Variants in SIM1 observed in about 807,000 individuals in gnomAD.
SIM1 encodes the protein single-minded homolog 1.
SIM1 carries 18 observed loss-of-function variants against 78.2 expected under a neutral mutation model. That is an observed-to-expected ratio of 0.23 (90% CI 0.16 to 0.34). The LOEUF (loss-of-function observed/expected upper bound fraction) is 0.34, where lower values mean the gene tolerates loss of function less well. Ranked by LOEUF, SIM1 falls within the 10% of genes least tolerant of loss-of-function variation. SIM1 has a pLI of 1.00. For synonymous variants in SIM1, 417 were observed against 385.2 expected (o/e 1.08, Z -0.97); for missense variants, 939 against 975.1 (o/e 0.96, Z 0.49).
At position 100,447,261 on chromosome 6, in the gene SIM1, C is replaced by A. The variant is rs766756161; in HGVS notation, c.998+7G>T. The A allele has an allele frequency of 1.6e-5, 26 of 1,613,884 alleles. No individual in the cohort carries two copies. In the African/African-American group the frequency reaches 3.5e-4, roughly 22 times the overall value. ...GGTGGGTGAAGGGGTCTCAGTCTTG[C>A]ACTCACGTGAGGACATAGTTGACGC... On this transcript the variant is annotated splice_region_variant and intron_variant, in intron 9 of 11. Transcript: ENST00000369208.
At chr6:100,404,544 CT>C (rs892759329) in intron 10 of SIM1, among the ~76,000 whole-genome samples, 108 of 146,254 alleles carry the variant, frequency 7.4e-4, no homozygotes, top group Admixed American at 1.5e-3. Context: ...TCACTTTTAT[CT>C]TTTTTTTTTT....
chr6:100,397,175 A>T (rs189267952), intron 10 of SIM1, among the ~76,000 whole-genome samples: 2 of 152,266 alleles, frequency 1.3e-5, no homozygotes, highest in East Asian at 3.9e-4. Flanking sequence ...TTATGACACA[A>T]TTTCATTAGG....
intron 10 of SIM1, among the ~76,000 whole-genome samples, chr6:100,419,355 A>T (rs1771501956): frequency 6.6e-6 from 1 of 152,196 alleles, no homozygotes; most frequent in Non-Finnish European, 1.5e-5. Flanking sequence ...ATGTGACATA[A>T]GTCTCTTAGA....
At chr6:100,401,935 A>T (rs1026820472) in intron 10 of SIM1, among the ~76,000 whole-genome samples, 1 of 152,206 alleles carries the variant, frequency 6.6e-6, no homozygotes, top group African/African-American at 2.4e-5. Context: ...ATTTCAGTAC[A>T]AACAAATCTT....
intron 2 of SIM1, among the ~76,000 whole-genome samples, chr6:100,459,578 T>C (rs1020008051): frequency 6.6e-6 from 1 of 152,170 alleles, no homozygotes; most frequent in Non-Finnish European, 1.5e-5. Context: ...CAAAAAAATA[T>C]AACACCATTA....
chr6:100,456,579 A>C (rs1044823315), intron 2 of SIM1, among the ~76,000 whole-genome samples: 2 of 152,266 alleles, frequency 1.3e-5, no homozygotes, highest in Non-Finnish European at 2.9e-5. Flanking sequence ...GATTTTCCTC[A>C]GCTAAAGTGG....
In SIM1 at chr6:100,420,976, A is replaced by G; in HGVS notation, c.999-18T>C. On this transcript the variant is annotated intron_variant, in intron 9 of 11. Transcript: ENST00000369208. Reference sequence around the variant, plus strand: ...CTGTGTCTCTGCAGGGTGGGAGGACAAAGCCCTTAATCAGCCACCATAGGA... The same window carrying G: ...CTGTGTCTCTGCAGGGTGGGAGGACGAAGCCCTTAATCAGCCACCATAGGA... 3.1e-6 allele frequency: 5 copies of G among 1,609,070 alleles called. No homozygotes were observed. The highest frequency in any genetic ancestry group is 4.2e-6 in the Non-Finnish European group (5 of 1,177,580).
chr6:100,399,267 T>TA (rs1770849898), intron 10 of SIM1, among the ~76,000 whole-genome samples: 1 of 151,938 alleles, frequency 6.6e-6, no homozygotes, highest in Non-Finnish European at 1.5e-5. Context: ...TACTCAACAA[T>TA]AAAAAAGAAT....
chr6:100,408,638 TC>T (rs1371851323), intron 10 of SIM1, among the ~76,000 whole-genome samples: 1 of 152,142 alleles, frequency 6.6e-6, no homozygotes, highest in Non-Finnish European at 1.5e-5. Context: ...TTGAATTTTA[TC>T]AAATGCTTTT....
intron 3 of SIM1, among the ~76,000 whole-genome samples, chr6:100,452,682 G>A (rs949240533): frequency 1.3e-5 from 2 of 152,300 alleles, no homozygotes; most frequent in Non-Finnish European, 2.9e-5. Context: ...ATGTTTCTGA[G>A]GAAAATTAGT....
At chr6:100,412,641 GAAAGAAAGAA>G (rs1562239818) in intron 10 of SIM1, among the ~76,000 whole-genome samples, 1 of 70,330 alleles carries the variant, frequency 1.4e-5, no homozygotes, top group African/African-American at 5.6e-5. Context: ...AGAAAGAAAA[GAAAGAAAGAA>G]AGAAAGAGAG....
At chr6:100,419,869 T>C (rs1444673641) in intron 10 of SIM1, among the ~76,000 whole-genome samples, 1 of 152,156 alleles carries the variant, frequency 6.6e-6, no homozygotes, top group Non-Finnish European at 1.5e-5. Flanking sequence ...CTTGAACTCC[T>C]GACCTCAAGT....
intron 10 of SIM1, among the ~76,000 whole-genome samples, chr6:100,407,488 A>G (rs766067763): frequency 1.8e-4 from 28 of 152,062 alleles, no homozygotes; most frequent in South Asian, 4.1e-4. Context: ...TTGCTGAATC[A>G]TATCATAGTT....
At chr6:100,431,543 G>A (rs1022983347) in intron 9 of SIM1, among the ~76,000 whole-genome samples, 1 of 152,122 alleles carries the variant, frequency 6.6e-6, no homozygotes, top group African/African-American at 2.4e-5. Flanking sequence ...ATTTTAAATT[G>A]CCTGGTAGAT....
intron 10 of SIM1, among the ~76,000 whole-genome samples, chr6:100,400,003 A>T (rs1770866633): frequency 6.6e-6 from 1 of 152,044 alleles, no homozygotes; most frequent in South Asian, 2.1e-4. Context: ...AAAAGCATTA[A>T]ATAAAACAAA....
At chr6:100,394,181 A>G (rs903378076) in intron 10 of SIM1, 28 of 274,982 alleles carry the variant, frequency 1.0e-4, no homozygotes, top group Non-Finnish European at 1.2e-4. Context: ...GAAGTGCCTC[A>G]TATGAACTAT....
intron 9 of SIM1, among the ~76,000 whole-genome samples, chr6:100,443,453 T>C (rs1017630446): frequency 6.6e-6 from 1 of 152,108 alleles, no homozygotes; most frequent in African/African-American, 2.4e-5. Context: ...CCAGACATAA[T>C]ATCAGAATTG....
intron 2 of SIM1, among the ~76,000 whole-genome samples, chr6:100,460,003 G>A (rs1772798261): frequency 6.6e-6 from 1 of 152,214 alleles, no homozygotes; most frequent in Admixed American, 6.5e-5. Context: ...GGCTACTTTG[G>A]AATAGAATAT....
At chr6:100,435,413 G>A (rs1490768476) in intron 9 of SIM1, among the ~76,000 whole-genome samples, 1 of 152,146 alleles carries the variant, frequency 6.6e-6, no homozygotes, top group Non-Finnish European at 1.5e-5. Context: ...CCCTGGGTTG[G>A]TATGCTCGCT....
Sources: allele counts gnomAD v4.1 joint callset (sites outside exome capture counted in the v4.1 genomes callset), GRCh38; gene constraint gnomAD v4.1.1; transcripts MANE v1.5; gene names NCBI Gene and HGNC (gene_info 2026-07-23, HGNC 2026-07-21).